Variants in PCDHA1 observed in about 807,000 individuals in gnomAD.
The protein encoded by PCDHA1 is protocadherin alpha 1, also known as protocadherin alpha-1.
PCDHA1 carries 42 observed loss-of-function variants against 61.3 expected under a neutral mutation model. The ratio of observed to expected loss-of-function variants is 0.69; its 90% CI spans 0.54 to 0.89. The LOEUF (loss-of-function observed/expected upper bound fraction) is 0.89, where lower values mean the gene tolerates loss of function less well. PCDHA1 is among the 40% of genes least tolerant of loss of function. PCDHA1 has a pLI of 0.00. For missense variants in PCDHA1, 1,256 were observed against 1,235.3 expected, an observed-to-expected ratio of 1.02 and a Z score of -0.25; for synonymous variants, 610 against 553.8, an observed-to-expected ratio of 1.10 and a Z score of -1.43.
chr5:140,981,924 C>T (rs2096957761), intron 2 of PCDHA1, among the ~76,000 whole-genome samples: 1 of 151,968 alleles, frequency 6.6e-6, no homozygotes, highest in African/African-American at 2.4e-5. Flanking sequence ...TCAAGTTTCT[C>T]TAGTCTCAGG....
At chr5:140,986,355 T>G (rs1381730343) in intron 3 of PCDHA1, among the ~76,000 whole-genome samples, 6 of 152,154 alleles carry the variant, frequency 3.9e-5, no homozygotes, top group African/African-American at 1.4e-4. Context: ...CTTCTTCAGA[T>G]GGAGGAATGC....
intron 1 of PCDHA1, chr5:140,830,456 C>G: frequency 1.3e-6 from 2 of 1,594,032 alleles, no homozygotes; most frequent in Non-Finnish European, 1.7e-6. Flanking sequence ...GGCGGAGAAT[C>G]AGGATTTAAA....
At chr5:141,000,095 T>G (rs1299354306) in intron 3 of PCDHA1, among the ~76,000 whole-genome samples, 1 of 152,044 alleles carries the variant, frequency 6.6e-6, no homozygotes, top group Non-Finnish European at 1.5e-5. Flanking sequence ...TGAATGGAGC[T>G]CAACTCCGTC....
chr5:140,928,791 G>A, intron 1 of PCDHA1: 1 of 1,614,138 alleles, frequency 6.2e-7, no homozygotes, highest in South Asian at 1.1e-5. Flanking sequence ...TTAAGCAGAG[G>A]GTGGTGGTAG....
chr5:140,786,702 C>T lies in PCDHA1; in HGVS notation c.412C>T (p.Gln138Ter), dbSNP rs782163496. ...DNPPVFRGREQIIFIPESRLL... is the reference protein window; with the variant it reads ...DNPPVFRGRE Reference sequence around the variant, plus strand: ...TCCACCCGTCTTCAGGGGCAGAGAACAAATAATATTTATTCCTGAATCTAG... The same window carrying T: ...TCCACCCGTCTTCAGGGGCAGAGAATAAATAATATTTATTCCTGAATCTAG... Residue 138 changes from glutamine (Q) to a stop codon, truncating the protein, a stop_gained, in exon 1 of 4, where the codon CAA becomes TAA. Coordinates refer to ENST00000504120, the MANE Select transcript of PCDHA1 (RefSeq NM_018900.4). LOFTEE classifies it high-confidence loss of function. 1 of 1,614,190 alleles carries T rather than the reference C, an allele frequency of 6.2e-7. No individual in the cohort carries two copies. Among genetic ancestry groups the T allele is most frequent in the South Asian group, 1.1e-5 (1 of 91,078 alleles).
At chr5:140,905,944 A>G (rs2072219566) in intron 1 of PCDHA1, among the ~76,000 whole-genome samples, 3 of 152,216 alleles carry the variant, frequency 2.0e-5, no homozygotes, top group Non-Finnish European at 4.4e-5. Flanking sequence ...AGAACTTGGA[A>G]TCCGATGTTC....
chr5:140,896,465 C>A (rs967658819), intron 1 of PCDHA1, among the ~76,000 whole-genome samples: 2 of 151,988 alleles, frequency 1.3e-5, no homozygotes, highest in Non-Finnish European at 2.9e-5. Flanking sequence ...TGGGTTCAAG[C>A]GGTTCTCCTG....
rs2150519763 is a variant in PCDHA1 at position 140,852,589 on chromosome 5, T to A, written c.2394+63905T>A. The A allele has an allele frequency of 2.2e-3, 1,950 of 884,634 alleles. 113 individuals are homozygous for A. Among genetic ancestry groups the A allele is most frequent in the South Asian group, 8.1e-3 (160 of 19,680 alleles). 54.8% of individuals were successfully genotyped at this position (884,634 alleles called of 1,614,324 possible). A position where few individuals can be genotyped will look rare whatever the true frequency, so the allele number is the denominator to read the frequency against. On this transcript the variant is annotated intron_variant, in intron 1 of 3. Coordinates refer to ENST00000504120, the MANE Select transcript of PCDHA1 (RefSeq NM_018900.4). Reference sequence around the variant, plus strand: ...CTGTGCCAAGGCTTTTTTATTTTTTTTTTTTGTCATTTTCTTTCAAAACTT... The same window carrying A: ...CTGTGCCAAGGCTTTTTTATTTTTTATTTTTGTCATTTTCTTTCAAAACTT...
chr5:140,804,813 T>C (rs994546744), intron 1 of PCDHA1: 3 of 321,794 alleles, frequency 9.3e-6, no homozygotes, highest in Non-Finnish European at 1.7e-5. Context: ...AGTAACCAAC[T>C]GAAACCTGGT....
chr5:140,884,467 G>A (rs199814121), intron 1 of PCDHA1: 6 of 1,613,778 alleles, frequency 3.7e-6, no homozygotes, highest in Non-Finnish European at 5.1e-6. Context: ...GCGCGTGCGC[G>A]CCGGGCAAGC....
intron 1 of PCDHA1, chr5:140,849,282 C>T: frequency 8.4e-7 from 1 of 1,191,290 alleles, no homozygotes; most frequent in Non-Finnish European, 1.2e-6. Context: ...GCTGGTGATT[C>T]ACCCCAATGC....
intron 1 of PCDHA1, among the ~76,000 whole-genome samples, chr5:140,872,175 T>A (rs1402825591): frequency 6.6e-5 from 10 of 152,228 alleles, no homozygotes; most frequent in African/African-American, 2.4e-4. Context: ...CTTTTTTTTT[T>A]TTACAGTGTT....
chr5:140,841,002 A>G (rs1288568403), intron 1 of PCDHA1, among the ~76,000 whole-genome samples: 1 of 152,084 alleles, frequency 6.6e-6, no homozygotes, highest in African/African-American at 2.4e-5. Flanking sequence ...TAATGTAAGG[A>G]GCCAGACAGT....
intron 1 of PCDHA1, among the ~76,000 whole-genome samples, chr5:140,839,392 GA>G (rs2150297449): frequency 1.4e-5 from 2 of 147,944 alleles, no homozygotes; most frequent in African/African-American, 4.9e-5. Context: ...TGATGATGAT[GA>G]TGATTATTAT....
rs2150119799 is a variant in PCDHA1 at position 140,822,853 on chromosome 5, G to A, written c.2394+34169G>A. Reference sequence around the variant, plus strand: ...AACCACCCTTTTCCTGCCTGTCAAAGAGGACGCTCCACTCAGCACGGTCAT... The same window carrying A: ...AACCACCCTTTTCCTGCCTGTCAAAAAGGACGCTCCACTCAGCACGGTCAT... On this transcript the variant is annotated intron_variant, in intron 1 of 3. Transcript: ENST00000504120. 68 of 1,614,082 alleles carry A rather than the reference G, an allele frequency of 4.2e-5. No individual in the cohort carries two copies. Among genetic ancestry groups the A allele is most frequent in the East Asian group, 1.6e-4 (7 of 44,900 alleles).
chr5:140,853,105 T>G, intron 1 of PCDHA1: 1 of 397,242 alleles, frequency 2.5e-6, no homozygotes, highest in African/African-American at 2.2e-5. Context: ...GGTCTCGATC[T>G]CCTGACCTCA....
At chr5:140,881,648 CCTT>C (rs1554172342) in intron 1 of PCDHA1, among the ~76,000 whole-genome samples, 4 of 152,182 alleles carry the variant, frequency 2.6e-5, no homozygotes, top group African/African-American at 9.7e-5. Flanking sequence ...ATATTTTTCA[CCTT>C]CACCGATTTT....
chr5:140,835,883 C>A, intron 1 of PCDHA1: 4 of 1,611,944 alleles, frequency 2.5e-6, no homozygotes, highest in Non-Finnish European at 3.4e-6. Flanking sequence ...TGCGGGTGGG[C>A]GAGCGCGCGC....
At chr5:140,867,456 T>G (rs1035822606) in intron 1 of PCDHA1, 8 of 152,272 alleles carry the variant, frequency 5.3e-5, no homozygotes, top group African/African-American at 1.9e-4. Context: ...AGAGTTCTAG[T>G]GTTATGACAA....
Sources: gnomAD v4.1 joint callset for allele counts (sites outside exome capture counted in the v4.1 genomes callset) on GRCh38, gnomAD v4.1.1 for gene constraint, MANE v1.5 for transcripts, NCBI Gene and HGNC (gene_info 2026-07-23, HGNC 2026-07-21) for gene names.